MYO1E: variants seen among roughly 807,000 people sequenced by gnomAD.
The protein encoded by MYO1E is unconventional myosin-Ie.
Under a neutral mutation model 151.1 loss-of-function variants are expected in MYO1E, and 68 were observed. The ratio of observed to expected loss-of-function variants is 0.45; its 90% CI spans 0.37 to 0.55. The LOEUF is 0.55. Among genes scored for constraint, MYO1E ranks in the 20% least tolerant of loss-of-function variants. MYO1E has a pLI of 0.00. For synonymous variants in MYO1E, 601 were observed against 501.7 expected, an observed-to-expected ratio of 1.20 and a Z score of -2.64; for missense variants, 1,363 against 1,389.3, an observed-to-expected ratio of 0.98 and a Z score of 0.30.
chr15:59,137,357 C>A lies in MYO1E; in HGVS notation c.*23G>T, dbSNP rs1310217464. On this transcript the variant is annotated 3_prime_UTR_variant, in exon 28 of 28. Transcript: ENST00000288235. ...GTCTGTGCCTGGAGCTCCTCTGCCC[C>A]ATGTGTCAGAGTCACGGGCACCTCA... The A allele has an allele frequency of 6.2e-7, 1 of 1,610,054 alleles. No homozygotes were observed. The highest frequency in any genetic ancestry group is 8.5e-7 in the Non-Finnish European group (1 of 1,176,328).
intron 1 of MYO1E, among the ~76,000 whole-genome samples, chr15:59,346,291 A>G (rs1418153213): frequency 6.6e-6 from 1 of 152,136 alleles, no homozygotes; most frequent in African/African-American, 2.4e-5. Context: ...CATTCAGCCC[A>G]GACTCAGCTC....
chr15:59,198,520 AAAAC>A (rs1160635180), intron 16 of MYO1E, among the ~76,000 whole-genome samples: 3 of 152,154 alleles, frequency 2.0e-5, no homozygotes, highest in Non-Finnish European at 4.4e-5. Context: ...TACATATTAA[AAAAC>A]AAACAATCAG....
rs535118635 is a variant in MYO1E at position 59,216,206 on chromosome 15, C to T, written c.1108-1486G>A. Among the ~76,000 whole-genome samples the T allele has an allele frequency of 2.4e-4, 37 of 152,084 alleles. No homozygotes were observed. The South Asian group carries it at 3.3e-3, about 14-fold the overall frequency. ...GGTCCTTCTAGCTTGAATATATAAACGTCAAAGAAACAAACTAGCTAGGAA... is the reference window on the plus strand; with the variant it reads ...GGTCCTTCTAGCTTGAATATATAAATGTCAAAGAAACAAACTAGCTAGGAA... On this transcript the variant is annotated intron_variant, in intron 10 of 27. Coordinates refer to ENST00000288235, the MANE Select transcript of MYO1E (RefSeq NM_004998.4).
At chr15:59,208,636 C>T in intron 14 of MYO1E, 45 bp downstream of exon 14, 2 of 1,610,682 alleles carry the variant, frequency 1.2e-6, no homozygotes, top group South Asian at 1.1e-5. Context: ...ATCACAAACC[C>T]AAAGGCTTAA....
At chr15:59,228,186 A>G (rs781191865) in intron 6 of MYO1E, among the ~76,000 whole-genome samples, 1 of 152,178 alleles carries the variant, frequency 6.6e-6, no homozygotes, top group Non-Finnish European at 1.5e-5. Context: ...CTAGGTTGTT[A>G]TATTAATTAT....
chr15:59,138,375 G>C lies in MYO1E; in HGVS notation c.3081-8C>G. Reference sequence around the variant, plus strand: ...GTTGTTTGTCTCCTGACCCTGTGGAGAGAGTGGAGCAGATGAGACTGGGCC... The same window carrying C: ...GTTGTTTGTCTCCTGACCCTGTGGACAGAGTGGAGCAGATGAGACTGGGCC... On this transcript the variant is annotated splice_polypyrimidine_tract_variant and splice_region_variant and intron_variant, in intron 26 of 27. Transcript: ENST00000288235. 1 of 1,613,868 alleles carries C rather than the reference G, an allele frequency of 6.2e-7. No homozygotes were observed. Among genetic ancestry groups the C allele is most frequent in the South Asian group, 1.1e-5 (1 of 91,068 alleles).
At chr15:59,145,639 G>A (rs1035511580) in intron 26 of MYO1E, among the ~76,000 whole-genome samples, 10 of 151,934 alleles carry the variant, frequency 6.6e-5, no homozygotes, top group Non-Finnish European at 1.0e-4. Flanking sequence ...TGATCCACCC[G>A]CCTTGGCCTC....
intron 1 of MYO1E, among the ~76,000 whole-genome samples, chr15:59,292,767 C>G (rs2080427383): frequency 6.6e-6 from 1 of 152,244 alleles, no homozygotes; most frequent in Admixed American, 6.5e-5. Flanking sequence ...GAGCGTGGGT[C>G]TACCCATTTA....
intron 1 of MYO1E, among the ~76,000 whole-genome samples, chr15:59,351,111 G>T (rs1173858691): frequency 6.6e-6 from 1 of 152,190 alleles, no homozygotes; most frequent in Non-Finnish European, 1.5e-5. Flanking sequence ...GTGTTAGCCA[G>T]GATGGTCTCG....
At chr15:59,253,495 T>TA (rs1377529309) in intron 4 of MYO1E, among the ~76,000 whole-genome samples, 4 of 150,476 alleles carry the variant, frequency 2.7e-5, no homozygotes, top group Non-Finnish European at 5.9e-5. Flanking sequence ...TTTTTTTTTT[T>TA]TTTTTGAGAC....
At chr15:59,300,429 C>A (rs980797087) in intron 1 of MYO1E, among the ~76,000 whole-genome samples, 17 of 152,180 alleles carry the variant, frequency 1.1e-4, no homozygotes, top group African/African-American at 3.6e-4. Flanking sequence ...GGCAAAGATA[C>A]TTCTAGAGGC....
chr15:59,214,201 T>C, intron 12 of MYO1E, 27 bp downstream of exon 12: 1 of 1,545,374 alleles, frequency 6.5e-7, no homozygotes, highest in Non-Finnish European at 8.9e-7. Flanking sequence ...ATAAATAGAA[T>C]AGGATGAAGG....
At chr15:59,308,222 C>CAAAA (rs1189618865) in intron 1 of MYO1E, among the ~76,000 whole-genome samples, 2 of 48,506 alleles carry the variant, frequency 4.1e-5, no homozygotes, top group Non-Finnish European at 6.7e-5. Context: ...GACTCTGTCT[C>CAAAA]AAAAAAAAAA....
At chr15:59,166,801 C>A (rs1013363281) in intron 22 of MYO1E, among the ~76,000 whole-genome samples, 1 of 152,170 alleles carries the variant, frequency 6.6e-6, no homozygotes, top group African/African-American at 2.4e-5. Context: ...TCAGCAGTGA[C>A]GTGTCCAGCT....
At chr15:59,304,280 G>T (rs548261820) in intron 1 of MYO1E, among the ~76,000 whole-genome samples, 1 of 152,136 alleles carries the variant, frequency 6.6e-6, no homozygotes, top group African/African-American at 2.4e-5. Flanking sequence ...ACTGCGGCCC[G>T]CCTATTTTCT....
intron 15 of MYO1E, among the ~76,000 whole-genome samples, chr15:59,204,426 T>C (rs2079820200): frequency 6.6e-6 from 1 of 152,212 alleles, no homozygotes; most frequent in South Asian, 2.1e-4. Context: ...GGCCTTGCTA[T>C]TGTGACAGCT....
rs368001329 is a variant in MYO1E, at chr15:59,285,350, C to CTTTT, written c.4-12905_4-12902dup. 2.0e-3 allele frequency among the ~76,000 whole-genome samples: 145 copies of CTTTT among 74,076 alleles called. 3 individuals carry two copies. The highest frequency in any genetic ancestry group is 0.014 in the Middle Eastern group (1 of 72). 48.6% of individuals were successfully genotyped at this position (74,076 alleles called of 152,430 possible). ...CTGGGCAACACGCAAGACACTGTCT[C>CTTTT]TTTTTTTTTTTTTTTTTTTTTTTTT... On this transcript the variant is annotated intron_variant, in intron 1 of 27. Coordinates refer to ENST00000288235, the MANE Select transcript of MYO1E (RefSeq NM_004998.4).
At chr15:59,334,017 G>A (rs1412025084) in intron 1 of MYO1E, among the ~76,000 whole-genome samples, 1 of 152,162 alleles carries the variant, frequency 6.6e-6, no homozygotes, top group Non-Finnish European at 1.5e-5. Flanking sequence ...CTCGTCAGTG[G>A]GGCACAATGA....
chr15:59,336,756 CCT>C (rs1324122626), intron 1 of MYO1E, among the ~76,000 whole-genome samples: 4 of 151,852 alleles, frequency 2.6e-5, no homozygotes, highest in Admixed American at 6.6e-5. Flanking sequence ...CCCCCCACCC[CCT>C]GACAGGCCCC....
Sources: gnomAD v4.1 joint callset for allele counts (sites outside exome capture counted in the v4.1 genomes callset) on GRCh38, gnomAD v4.1.1 for gene constraint, MANE v1.5 for transcripts, NCBI Gene and HGNC (gene_info 2026-07-23, HGNC 2026-07-21) for gene names.